The following GALNTL6 variants were observed in gnomAD, a reference collection of about 807,000 sequenced individuals.
GALNTL6 encodes polypeptide N-acetylgalactosaminyltransferase like 6.
GALNTL6 carries 46 observed loss-of-function variants against 73.7 expected under a neutral mutation model. That is an observed-to-expected ratio of 0.62 (90% CI 0.49 to 0.80). The LOEUF is 0.80. Among genes scored for constraint, GALNTL6 ranks in the 30% least tolerant of loss-of-function variants. The pLI is 0.00. For synonymous variants in GALNTL6, 259 were observed against 263.7 expected (o/e 0.98, Z 0.17); for missense variants, 604 against 755.0 (o/e 0.80, Z 2.34).
At chr4:171,948,719 C>A (rs1270767709) in intron 2 of GALNTL6, among the ~76,000 whole-genome samples, 1 of 152,124 alleles carries the variant, frequency 6.6e-6, no homozygotes, top group Non-Finnish European at 1.5e-5. Context: ...TTTCCTCTCT[C>A]TTTGAACATA....
chr4:172,662,416 T>A (rs561839951), intron 5 of GALNTL6, among the ~76,000 whole-genome samples: 20 of 152,338 alleles, frequency 1.3e-4, no homozygotes, highest in Non-Finnish European at 2.4e-4. Context: ...TGGACCTGTG[T>A]CACTTCTGGT....
chr4:171,995,403 T>A (rs1740456280), intron 2 of GALNTL6, among the ~76,000 whole-genome samples: 1 of 152,038 alleles, frequency 6.6e-6, no homozygotes, highest in South Asian at 2.1e-4. Flanking sequence ...TGAAGCATTG[T>A]TTATTTTACC....
chr4:172,123,642 C>T (rs926741962), intron 2 of GALNTL6, among the ~76,000 whole-genome samples: 4 of 151,562 alleles, frequency 2.6e-5, no homozygotes, highest in African/African-American at 9.7e-5. Context: ...GCTGGGATTA[C>T]AGACGTGTGC....
chr4:171,919,063 T>G (rs765484232), intron 2 of GALNTL6, among the ~76,000 whole-genome samples: 8 of 152,154 alleles, frequency 5.3e-5, no homozygotes, highest in Non-Finnish European at 1.0e-4. Flanking sequence ...TCTAGATGTC[T>G]GGTGTACAAC....
chr4:172,563,383 G>GA (rs559592440), intron 5 of GALNTL6, among the ~76,000 whole-genome samples: 1 of 152,302 alleles, frequency 6.6e-6, no homozygotes. Flanking sequence ...TCACTTCAAT[G>GA]AAACCACTGT....
Position 172,052,569 on chromosome 4 carries a change from A to G in GALNTL6, c.139-177087A>G, listed in dbSNP as rs1158387250. ...AAGCAAACGGCTGCAGTGCAGACCA[A>G]GACAAGATAGGGTGGTTCGTCTCAT... On this transcript the variant is annotated intron_variant, in intron 2 of 12. Coordinates refer to ENST00000506823, the MANE Select transcript of GALNTL6 (RefSeq NM_001034845.3). 4 of 1,407,276 alleles carry G rather than the reference A, an allele frequency of 2.8e-6. No homozygotes were observed. The East Asian group carries it at 7.5e-5, about 26-fold the overall frequency. The allele number at this position is 1,407,276 out of a possible 1,614,324, so 87.2% of individuals were successfully genotyped here.
At chr4:172,519,877 C>A (rs935428896) in intron 5 of GALNTL6, among the ~76,000 whole-genome samples, 5 of 151,462 alleles carry the variant, frequency 3.3e-5, no homozygotes, top group African/African-American at 1.2e-4. Context: ...AAAATAGAAA[C>A]TTCACTCTAA....
chr4:172,910,599 A>G (rs970867386), intron 8 of GALNTL6, among the ~76,000 whole-genome samples: 1 of 152,222 alleles, frequency 6.6e-6, no homozygotes, highest in Non-Finnish European at 1.5e-5. Flanking sequence ...ATACATCTAT[A>G]TCTGCATTCA....
chr4:172,031,171 G>A (rs1741756771), intron 2 of GALNTL6, among the ~76,000 whole-genome samples: 1 of 152,060 alleles, frequency 6.6e-6, no homozygotes, highest in South Asian at 2.1e-4. Flanking sequence ...GATCAAGTGT[G>A]TCACCATGAC....
chr4:171,933,078 G>A (rs374555653), intron 2 of GALNTL6, among the ~76,000 whole-genome samples: 1 of 152,110 alleles, frequency 6.6e-6, no homozygotes, highest in East Asian at 1.9e-4. Context: ...TTAAATTATT[G>A]AAAAGACTTA....
intron 5 of GALNTL6, among the ~76,000 whole-genome samples, chr4:172,670,747 T>C (rs1197579217): frequency 1.3e-5 from 2 of 152,180 alleles, no homozygotes; most frequent in Admixed American, 1.3e-4. Flanking sequence ...TAGAATGGTA[T>C]TGCCTAAGTC....
At chr4:171,987,103 A>G (rs954341579) in intron 2 of GALNTL6, among the ~76,000 whole-genome samples, 1 of 152,200 alleles carries the variant, frequency 6.6e-6, no homozygotes, top group African/African-American at 2.4e-5. Flanking sequence ...AAAAAGGAGC[A>G]TCTATACAGG....
intron 5 of GALNTL6, among the ~76,000 whole-genome samples, chr4:172,476,093 C>T (rs1204407445): frequency 2.6e-5 from 4 of 152,208 alleles, no homozygotes; most frequent in Admixed American, 6.5e-5. Context: ...GGAGCTTCAA[C>T]ACAATGTAAA....
At chr4:172,820,720 A>G (rs1332269906) in intron 7 of GALNTL6, among the ~76,000 whole-genome samples, 3 of 152,202 alleles carry the variant, frequency 2.0e-5, no homozygotes, top group African/African-American at 7.2e-5. Flanking sequence ...TCTCAAGTCA[A>G]GTCAATATTC....
chr4:172,898,503 TAC>T (rs987861884), intron 8 of GALNTL6, among the ~76,000 whole-genome samples: 26 of 151,948 alleles, frequency 1.7e-4, no homozygotes, highest in African/African-American at 6.3e-4. Flanking sequence ...TTTCCTTCAT[TAC>T]AGTCATTATT....
intron 5 of GALNTL6, among the ~76,000 whole-genome samples, chr4:172,625,813 G>C (rs967518915): frequency 5.3e-5 from 8 of 152,096 alleles, no homozygotes; most frequent in Admixed American, 4.6e-4. Context: ...TTGGTTGCTT[G>C]TATGTCTTCT....
intron 4 of GALNTL6, among the ~76,000 whole-genome samples, chr4:172,333,329 TG>T (rs1317191547): frequency 6.6e-6 from 1 of 152,094 alleles, no homozygotes; most frequent in Non-Finnish European, 1.5e-5. Context: ...CGCTTGAACC[TG>T]GGAGATGGAG....
Position 172,403,570 on chromosome 4 carries a change from C to T in GALNTL6, c.553+54881C>T, listed in dbSNP as rs1485344530. On this transcript the variant is annotated intron_variant, in intron 5 of 12. Transcript: ENST00000506823. ...TGTCTTAAATAACTAGATTTCATTA[C>T]ACTACAATAAAACTGAATGAAAATC... 7.9e-5 allele frequency among the ~76,000 whole-genome samples: 12 copies of T among 152,000 alleles called. No individual in the cohort carries two copies. The Admixed American group carries it at 7.9e-4, about 10-fold the overall frequency.
intron 5 of GALNTL6, among the ~76,000 whole-genome samples, chr4:172,471,796 T>C (rs1211672059): frequency 6.6e-6 from 1 of 152,224 alleles, no homozygotes; most frequent in Non-Finnish European, 1.5e-5. Context: ...GCTTAGAAAG[T>C]AAGAGCTCAC....
Sources: allele counts gnomAD v4.1 joint callset (sites outside exome capture counted in the v4.1 genomes callset), GRCh38; gene constraint gnomAD v4.1.1; transcripts MANE v1.5; gene names NCBI Gene and HGNC (gene_info 2026-07-23, HGNC 2026-07-21).